Variants in TBC1D5 observed in about 807,000 individuals in gnomAD.
TBC1D5 encodes the protein TBC1 domain family, member 5.
A neutral mutation model predicts 100.3 loss-of-function variants in TBC1D5; 75 were observed. That is an observed-to-expected ratio of 0.75 (90% confidence interval 0.62 to 0.91). The LOEUF (loss-of-function observed/expected upper bound fraction) is 0.91. TBC1D5 is among the 40% of genes least tolerant of loss of function. TBC1D5 has a pLI of 0.00. For missense variants in TBC1D5, 910 were observed against 942.4 expected (o/e 0.97, Z 0.45); for synonymous variants, 323 against 325.6 (o/e 0.99, Z 0.09).
intron 3 of TBC1D5, among the ~76,000 whole-genome samples, chr3:17,457,264 T>C (rs2095109141): frequency 6.6e-6 from 1 of 152,172 alleles, no homozygotes; most frequent in African/African-American, 2.4e-5. Context: ...TTAGCCATTA[T>C]TTCTTCAAAT....
rs892378289 is a variant in TBC1D5, at chr3:17,450,032, A to G, written c.98-21513T>C. ...CCTCTGGGATGAAGTTTCCAGAGGA[A>G]GGGGCAGGCCGCAATCTTTGCTGTT... On this transcript the variant is annotated intron_variant, in intron 3 of 21. Transcript: ENST00000253692. Among the ~76,000 whole-genome samples, 5 of 152,238 alleles carry G rather than the reference A, an allele frequency of 3.3e-5. No homozygotes were observed. The South Asian group carries it at 1.0e-3, about 32-fold the overall frequency.
At chr3:17,390,685 G>A (rs2093326067) in intron 8 of TBC1D5, among the ~76,000 whole-genome samples, 1 of 152,068 alleles carries the variant, frequency 6.6e-6, no homozygotes. Context: ...TAAATGAGCT[G>A]ATGAAAACTC....
chr3:17,167,880 C>T, intron 19 of TBC1D5, 52 bp from the exon 21 acceptor site: 1 of 1,284,124 alleles, frequency 7.8e-7, no homozygotes, highest in Non-Finnish European at 1.1e-6. Context: ...CATAACCTAC[C>T]TGCTGCCACA....
rs561063034 is a variant in TBC1D5, at chr3:17,716,536, G to C, written c.-101+22807C>G. ...TTTTCAAGACAAATGCAACTAATCA[G>C]CTGAAAGATACACCTTTATCCATTA... On this transcript the variant is annotated intron_variant, in intron 1 of 21. Transcript: ENST00000253692. Among the ~76,000 whole-genome samples the C allele has an allele frequency of 2.6e-4, 39 of 152,050 alleles. 1 individual carries two copies. The South Asian group carries it at 8.1e-3, about 32-fold the overall frequency.
chr3:17,489,335 C>T (rs970106727), intron 3 of TBC1D5, among the ~76,000 whole-genome samples: 5 of 152,066 alleles, frequency 3.3e-5, no homozygotes, highest in African/African-American at 9.7e-5. Context: ...AATCTGGTAG[C>T]CTGACCTCAG....
intron 13 of TBC1D5, among the ~76,000 whole-genome samples, chr3:17,326,735 A>G (rs2086201360): frequency 6.6e-6 from 1 of 152,144 alleles, no homozygotes; most frequent in Non-Finnish European, 1.5e-5. Context: ...TGGCCTCCTA[A>G]AGTCCTGAGA....
chr3:17,310,636 T>C (rs892437460), intron 13 of TBC1D5, among the ~76,000 whole-genome samples: 1 of 152,086 alleles, frequency 6.6e-6, no homozygotes, highest in Admixed American at 6.6e-5. Flanking sequence ...ATAGCTAATT[T>C]GGAAGTACAG....
At chr3:17,665,496 C>T (rs941593691) in intron 1 of TBC1D5, among the ~76,000 whole-genome samples, 2 of 152,164 alleles carry the variant, frequency 1.3e-5, no homozygotes, top group Admixed American at 6.5e-5. Flanking sequence ...CAACAGTAGA[C>T]TGAGTAATTT....
At chr3:17,194,079 G>A (rs1167852734) in intron 18 of TBC1D5, among the ~76,000 whole-genome samples, 1 of 152,190 alleles carries the variant, frequency 6.6e-6, no homozygotes. Flanking sequence ...TGGGGCCTAA[G>A]ATTCTGCATT....
At chr3:17,263,366 CAAAAAAAA>C (rs71049192) in intron 15 of TBC1D5, among the ~76,000 whole-genome samples, 1 of 80,976 alleles carries the variant, frequency 1.2e-5, no homozygotes. Flanking sequence ...ACCCTGTCTC[CAAAAAAAA>C]AAAAAAAAAA....
intron 13 of TBC1D5, among the ~76,000 whole-genome samples, chr3:17,343,884 G>C (rs2089426410): frequency 6.6e-6 from 1 of 151,950 alleles, no homozygotes; most frequent in Non-Finnish European, 1.5e-5. Context: ...CTTGCTAGCG[G>C]TCTATCAATT....
chr3:17,445,794 A>G (rs1364582252), intron 3 of TBC1D5, among the ~76,000 whole-genome samples: 1 of 152,228 alleles, frequency 6.6e-6, no homozygotes, highest in African/African-American at 2.4e-5. Flanking sequence ...TATAGGGTTC[A>G]GTACTATCTG....
chr3:17,257,663 C>G (rs1274637049), intron 16 of TBC1D5, among the ~76,000 whole-genome samples: 2 of 152,138 alleles, frequency 1.3e-5, no homozygotes, highest in Non-Finnish European at 2.9e-5. Context: ...CTTCTCATCC[C>G]TTAGACTATG....
At chr3:17,251,695 T>C (rs1161332038) in intron 16 of TBC1D5, among the ~76,000 whole-genome samples, 1 of 152,208 alleles carries the variant, frequency 6.6e-6, no homozygotes, top group African/African-American at 2.4e-5. Context: ...GGTATTTTAG[T>C]GATAGATTTT....
chr3:17,670,814 G>C (rs202200788), intron 1 of TBC1D5, among the ~76,000 whole-genome samples: 1 of 152,186 alleles, frequency 6.6e-6, no homozygotes, highest in East Asian at 1.9e-4. Flanking sequence ...ATGAGGAAAA[G>C]CAACAGAATT....
chr3:17,450,451 T>A (rs1372244480), intron 3 of TBC1D5, among the ~76,000 whole-genome samples: 2 of 152,146 alleles, frequency 1.3e-5, no homozygotes, highest in Non-Finnish European at 2.9e-5. Context: ...TAAAGGAGCA[T>A]GTTCTAACTC....
At chr3:17,236,928 CATGTGTGTGT>C in intron 17 of TBC1D5, among the ~76,000 whole-genome samples, 1 of 152,182 alleles carries the variant, frequency 6.6e-6, no homozygotes, top group South Asian at 2.1e-4. Context: ...TGGGTGTGTG[CATGTGTGTGT>C]ACACACACTC....
At chr3:17,735,801 T>A (rs913366294) in intron 1 of TBC1D5, among the ~76,000 whole-genome samples, 1 of 152,164 alleles carries the variant, frequency 6.6e-6, no homozygotes, top group Non-Finnish European at 1.5e-5. Flanking sequence ...CAGCAGCAGG[T>A]GTGCGACGAC....
At chr3:17,454,843 A>G (rs1323422999) in intron 3 of TBC1D5, among the ~76,000 whole-genome samples, 1 of 152,152 alleles carries the variant, frequency 6.6e-6, no homozygotes, top group South Asian at 2.1e-4. Flanking sequence ...AATAGCCACA[A>G]ATAAAATTAA....
Sources: allele counts gnomAD v4.1 joint callset (sites outside exome capture counted in the v4.1 genomes callset), GRCh38; gene constraint gnomAD v4.1.1; transcripts MANE v1.5; gene names NCBI Gene and HGNC (gene_info 2026-07-23, HGNC 2026-07-21).